Variants in LRRC40 observed in about 807,000 individuals in gnomAD.
The protein encoded by LRRC40 is leucine-rich repeat-containing protein 40.
A neutral mutation model predicts 72.8 loss-of-function variants in LRRC40; 76 were observed. That is an observed-to-expected ratio of 1.04 (90% CI 0.87 to 1.26). LRRC40 has a LOEUF of 1.26. Ranked by LOEUF, LRRC40 falls within the 50% of genes most tolerant of loss-of-function variation. The pLI is 0.00. For synonymous variants in LRRC40, 243 were observed against 254.2 expected (o/e 0.96, Z 0.42); for missense variants, 684 against 698.9 (o/e 0.98, Z 0.24).
At chr1:70,191,475 G>T (rs1668499223) in intron 1 of LRRC40, among the ~76,000 whole-genome samples, 1 of 152,092 alleles carries the variant, frequency 6.6e-6, no homozygotes, top group African/African-American at 2.4e-5. Context: ...TTATTACTCA[G>T]ATATTTTTAT....
intron 1 of LRRC40, among the ~76,000 whole-genome samples, chr1:70,201,329 A>T (rs1293129298): frequency 6.6e-6 from 1 of 152,240 alleles, no homozygotes; most frequent in African/African-American, 2.4e-5. Context: ...TAGTAAGTTT[A>T]TATGAAAAGA....
At chr1:70,193,438 CTTGCATCTATTAAAGAAA>C (rs1455744812) in intron 1 of LRRC40, among the ~76,000 whole-genome samples, 3 of 151,758 alleles carry the variant, frequency 2.0e-5, no homozygotes, top group Non-Finnish European at 4.4e-5. Flanking sequence ...AGAAAGTAGC[CTTGCATCTATTAAAGAAA>C]TTGAATTAGC....
chr1:70,178,818 A>G (rs759531306), intron 6 of LRRC40, 33 bp downstream of exon 6: 4 of 1,375,264 alleles, frequency 2.9e-6, no homozygotes, highest in Non-Finnish European at 3.9e-6. Context: ...ACTTTTGGAA[A>G]ATATAGTTAT....
rs140939842 is a variant in LRRC40 at position 70,177,275 on chromosome 1, C to CAA, written c.805-1295_805-1294dup. 3.9e-3 allele frequency among the ~76,000 whole-genome samples: 585 copies of CAA among 150,998 alleles called. 2 individuals carry two copies. Among genetic ancestry groups the CAA allele is most frequent in the African/African-American group, 0.013 (553 of 41,148 alleles). ...TGGATGACAGAGCGAGACTCTGCCT[C>CAA]AAAAAAAATAAATAAATCAAAGATT... is the stretch of plus-strand genomic sequence containing the variant. On this transcript the variant is annotated intron_variant, in intron 6 of 14. Transcript: ENST00000370952.
intron 1 of LRRC40, 58 bp downstream of exon 1, chr1:70,205,332 G>T (rs1005839374): frequency 2.7e-6 from 4 of 1,459,682 alleles, no homozygotes; most frequent in Admixed American, 2.0e-5. Flanking sequence ...AAGGGAGGTT[G>T]CCTGGGCCAA....
At chr1:70,193,949 G>C (rs1457427084) in intron 1 of LRRC40, among the ~76,000 whole-genome samples, 3 of 151,914 alleles carry the variant, frequency 2.0e-5, no homozygotes, top group Non-Finnish European at 4.4e-5. Flanking sequence ...CCTTACAAAG[G>C]GCATCTGTGA....
At chr1:70,146,056 ACT>A in intron 14 of LRRC40, 151 bp from the exon 15 acceptor site, 1 of 522,796 alleles carries the variant, frequency 1.9e-6, no homozygotes, top group Non-Finnish European at 3.4e-6. Context: ...ACAGAGTCTC[ACT>A]CTGTTGCCCA....
At chr1:70,160,825 A>C (rs1328911500) in intron 9 of LRRC40, among the ~76,000 whole-genome samples, 1 of 152,052 alleles carries the variant, frequency 6.6e-6, no homozygotes, top group Non-Finnish European at 1.5e-5. Flanking sequence ...ATGTGCATTT[A>C]CTGTCTTTTT....
Position 70,205,488 on chromosome 1 carries a change from G to A in LRRC40, c.53C>T (p.Ala18Val), listed in dbSNP as rs1450384009. The change falls in exon 1 of 15, where the codon GCA becomes GTA. Residue 18 changes from alanine (A) to valine (V), a missense_variant. Physicochemically the swap from Ala to Val is moderately conservative, Grantham distance 64. Transcript: ENST00000370952. ...CGAGGTACCGCAGTCTCTTCCACCT[G>A]CTTTGAAACCAGCGCGGAGATCCTG... is the stretch of plus-strand genomic sequence containing the variant. ...AGQDLRAGFK[A>V]GGRDCGTSVP... The A allele has an allele frequency of 1.2e-6, 2 of 1,607,506 alleles. No homozygotes were observed. Among genetic ancestry groups the A allele is most frequent in the East Asian group, 4.5e-5 (2 of 44,734 alleles).
At position 70,187,266 on chromosome 1, in the gene LRRC40, T is replaced by C; in HGVS notation, c.406A>G (p.Ser136Gly). 6.7e-7 allele frequency: 1 copy of C among 1,502,314 alleles called. No homozygotes were observed. Among genetic ancestry groups the C allele is most frequent in the Non-Finnish European group, 9.2e-7 (1 of 1,081,892 alleles). 93.1% of individuals were successfully genotyped at this position (1,502,314 alleles called of 1,614,324 possible). A position where few individuals can be genotyped will look rare whatever the true frequency, so the allele number is the denominator to read the frequency against. The change falls in exon 3 of 15, where the codon AGC becomes GGC. Residue 136 changes from serine to glycine, a missense_variant and splice_region_variant. Physicochemically the swap from Ser to Gly is moderately conservative, Grantham distance 56. Coordinates refer to ENST00000370952, the MANE Select transcript of LRRC40 (RefSeq NM_017768.5). Reference protein sequence around the residue: ...ELENLQKLNVSHNKLKILPEE... With the variant: ...ELENLQKLNVGHNKLKILPEE... ...TAAGTAAATAAGCTTAATTTTTACC[T>C]GACATTAAGTTTCTGAAGATTTTCT...
chr1:70,200,557 T>G (rs1668714640), intron 1 of LRRC40, among the ~76,000 whole-genome samples: 1 of 152,176 alleles, frequency 6.6e-6, no homozygotes. Flanking sequence ...ACATGAAAAT[T>G]TAAATTATTA....
At chr1:70,162,173 T>C (rs1352714855) in intron 9 of LRRC40, among the ~76,000 whole-genome samples, 1 of 152,076 alleles carries the variant, frequency 6.6e-6, no homozygotes, top group Non-Finnish European at 1.5e-5. Flanking sequence ...GAACCATCAT[T>C]TTCTGAGGCA....
intron 14 of LRRC40, 113 bp from the exon 15 acceptor site, chr1:70,146,018 C>T: frequency 1.8e-6 from 1 of 569,712 alleles, no homozygotes; most frequent in South Asian, 2.4e-5. Context: ...TCTATTTGCC[C>T]CTTTTTATTT....
At chr1:70,166,661 T>TAAA (rs201660385) in intron 9 of LRRC40, among the ~76,000 whole-genome samples, 2 of 139,364 alleles carry the variant, frequency 1.4e-5, no homozygotes, top group African/African-American at 2.6e-5. Context: ...CGCTTCTAAA[T>TAAA]AAAAAAAAAA....
chr1:70,172,676 T>G (rs1417307173), intron 9 of LRRC40, among the ~76,000 whole-genome samples: 1 of 152,158 alleles, frequency 6.6e-6, no homozygotes, highest in African/African-American at 2.4e-5. Flanking sequence ...ATAAGAGTCT[T>G]AGAAAATTAT....
chr1:70,149,565 C>A (rs1017140434), intron 13 of LRRC40, among the ~76,000 whole-genome samples: 2 of 152,134 alleles, frequency 1.3e-5, no homozygotes, highest in Non-Finnish European at 2.9e-5. Flanking sequence ...TTTGGCACTT[C>A]CCCAAAGACA....
intron 9 of LRRC40, among the ~76,000 whole-genome samples, chr1:70,167,241 A>AAAG (rs1553213517): frequency 2.0e-4 from 30 of 151,778 alleles, no homozygotes; most frequent in African/African-American, 7.2e-4. Flanking sequence ...AAAAAAAAAA[A>AAAG]AAAAAAGAAA....
chr1:70,159,563 T>A, intron 9 of LRRC40, 125 bp from the exon 10 acceptor site: 1 of 438,976 alleles, frequency 2.3e-6, no homozygotes, highest in Non-Finnish European at 4.2e-6. Flanking sequence ...CCTTTAGTCA[T>A]ATGCTTTATT....
chr1:70,169,393 A>G (rs1344140097), intron 9 of LRRC40, among the ~76,000 whole-genome samples: 5 of 152,198 alleles, frequency 3.3e-5, no homozygotes, highest in African/African-American at 7.2e-5. Context: ...CGCTGGCCCC[A>G]GTCAGTCACA....
Sources: gnomAD v4.1 joint callset for allele counts (sites outside exome capture counted in the v4.1 genomes callset) on GRCh38, gnomAD v4.1.1 for gene constraint, MANE v1.5 for transcripts, NCBI Gene and HGNC (gene_info 2026-07-23, HGNC 2026-07-21) for gene names.